SSBP2: variants seen among roughly 807,000 people sequenced by gnomAD.
The protein encoded by SSBP2 is single stranded DNA binding protein 2.
SSBP2 carries 17 observed loss-of-function variants against 61.8 expected under a neutral mutation model. That is an observed-to-expected ratio of 0.28 (90% CI 0.19 to 0.41). The LOEUF is 0.41. Among genes scored for constraint, SSBP2 ranks in the 10% least tolerant of loss-of-function variants. The pLI is 1.00. For missense variants in SSBP2, 310 were observed against 458.7 expected, an observed-to-expected ratio of 0.68 and a Z score of 2.96; for synonymous variants, 139 against 141.3, an observed-to-expected ratio of 0.98 and a Z score of 0.12.
chr5:81,560,757 A>G (rs1363685380), intron 4 of SSBP2, among the ~76,000 whole-genome samples: 1 of 152,204 alleles, frequency 6.6e-6, no homozygotes, highest in Non-Finnish European at 1.5e-5. Flanking sequence ...CTTTAAGTAT[A>G]ATTGACAATA....
intron 1 of SSBP2, among the ~76,000 whole-genome samples, chr5:81,656,701 G>A (rs957617136): frequency 6.7e-6 from 1 of 148,886 alleles, no homozygotes; most frequent in Non-Finnish European, 1.5e-5. Context: ...AGGAAGAATG[G>A]TTACACATGG....
chr5:81,543,944 ATATAAT>A (rs1488638811), intron 4 of SSBP2, among the ~76,000 whole-genome samples: 1 of 152,254 alleles, frequency 6.6e-6, no homozygotes. Flanking sequence ...AATAAACAAT[ATATAAT>A]TATAAACAAT....
intron 1 of SSBP2, among the ~76,000 whole-genome samples, chr5:81,737,350 T>C (rs1462483558): frequency 6.6e-6 from 1 of 151,262 alleles, no homozygotes; most frequent in African/African-American, 2.4e-5. Flanking sequence ...CTCTCTATGC[T>C]TCCTTTCTCC....
intron 11 of SSBP2, 25 bp downstream of exon 11, chr5:81,448,765 A>G: frequency 6.2e-7 from 1 of 1,607,208 alleles, no homozygotes; most frequent in South Asian, 1.1e-5. Context: ...AATTCTTATA[A>G]GCAAACAAAC....
chr5:81,704,733 T>C (rs1013021127), intron 1 of SSBP2, among the ~76,000 whole-genome samples: 6 of 134,268 alleles, frequency 4.5e-5, no homozygotes, highest in African/African-American at 1.7e-4. Flanking sequence ...GAGGCGGAGG[T>C]TGCAGTGAGC....
intron 1 of SSBP2, among the ~76,000 whole-genome samples, chr5:81,729,514 GA>G (rs1756114179): frequency 6.6e-6 from 1 of 152,090 alleles, no homozygotes; most frequent in African/African-American, 2.4e-5. Flanking sequence ...GTAAATGAAT[GA>G]ATGTCAATTA....
At position 81,575,554 on chromosome 5, in the gene SSBP2, G is replaced by C. The variant is rs74614086; in HGVS notation, c.282+39919C>G. 1.1e-3 allele frequency among the ~76,000 whole-genome samples: 170 copies of C among 152,072 alleles called. 2 individuals carry two copies. The highest frequency in any genetic ancestry group is 3.7e-3 in the African/African-American group (155 of 41,470). On this transcript the variant is annotated intron_variant, in intron 4 of 16. Transcript: ENST00000320672. ...AAGCTAATGGTGGGAGGTAGGAAAA[G>C]GATGGTAGGAAGAAAAAATTCAAAC...
chr5:81,636,750 C>A, intron 2 of SSBP2, 132 bp from the exon 3 acceptor site: 1 of 774,944 alleles, frequency 1.3e-6, no homozygotes, highest in Non-Finnish European at 2.0e-6. Context: ...TATTTTTTAC[C>A]CAAGTTTTGC....
intron 6 of SSBP2, among the ~76,000 whole-genome samples, chr5:81,479,841 T>C (rs927452221): frequency 1.3e-5 from 2 of 152,196 alleles, no homozygotes; most frequent in Non-Finnish European, 2.9e-5. Flanking sequence ...AATTTGTCCA[T>C]GGTTATGCTA....
At chr5:81,718,323 C>T (rs1755311314) in intron 1 of SSBP2, among the ~76,000 whole-genome samples, 1 of 151,578 alleles carries the variant, frequency 6.6e-6, no homozygotes, top group Admixed American at 6.6e-5. Context: ...TGAGTAGACC[C>T]AAAGTGACTG....
chr5:81,501,268 T>TATATATATATACAC (rs1205403428), intron 5 of SSBP2, among the ~76,000 whole-genome samples: 1 of 35,772 alleles, frequency 2.8e-5, no homozygotes, highest in African/African-American at 1.3e-4. Context: ...TATATATATA[T>TATATATATATACAC]ACACACACAC....
At chr5:81,489,416 A>C in intron 5 of SSBP2, 107 bp from the exon 6 acceptor site, 2 of 915,830 alleles carry the variant, frequency 2.2e-6, no homozygotes, top group Non-Finnish European at 3.2e-6. Context: ...CAAATCACAA[A>C]TCAATGTACT....
intron 5 of SSBP2, among the ~76,000 whole-genome samples, chr5:81,493,703 C>T (rs1020074214): frequency 6.6e-6 from 1 of 151,896 alleles, no homozygotes; most frequent in Non-Finnish European, 1.5e-5. Flanking sequence ...TTGCAGTGAG[C>T]CAAGACCATG....
At position 81,412,861 on chromosome 5, in the gene SSBP2, GT is replaced by G. The variant is rs56053770; in HGVS notation, c.*7642del. ...ACATATCTATTTGCTAATAACATTA[GT>G]TTTTTTTTGGCATTCCATGTTTAGT... On this transcript the variant is annotated 3_prime_UTR_variant, in exon 17 of 17. Transcript: ENST00000320672. 2.6e-5 allele frequency among the ~76,000 whole-genome samples: 4 copies of G among 151,330 alleles called. No individual in the cohort carries two copies. Among genetic ancestry groups the G allele is most frequent in the South Asian group, 2.1e-4 (1 of 4,784 alleles).
intron 1 of SSBP2, among the ~76,000 whole-genome samples, chr5:81,678,535 T>A (rs1269125257): frequency 6.6e-6 from 1 of 151,948 alleles, no homozygotes; most frequent in Non-Finnish European, 1.5e-5. Context: ...TTTTCCAAAT[T>A]AACGTCAAAC....
chr5:81,450,109 C>T (rs1763670139), intron 10 of SSBP2, among the ~76,000 whole-genome samples: 1 of 152,164 alleles, frequency 6.6e-6, no homozygotes, highest in Non-Finnish European at 1.5e-5. Context: ...AGGCTCACTG[C>T]AGTCTCGACC....
At chr5:81,702,090 C>T (rs933108452) in intron 1 of SSBP2, among the ~76,000 whole-genome samples, 4 of 152,132 alleles carry the variant, frequency 2.6e-5, no homozygotes, top group South Asian at 4.1e-4. Flanking sequence ...AAAAAAGATT[C>T]GGCCAGGCAC....
chr5:81,564,376 G>A (rs1773277229), intron 4 of SSBP2, among the ~76,000 whole-genome samples: 1 of 152,176 alleles, frequency 6.6e-6, no homozygotes, highest in Admixed American at 6.6e-5. Flanking sequence ...TGTAAAAGAA[G>A]CCAAAACCTA....
chr5:81,541,389 T>C (rs536158011), intron 4 of SSBP2, among the ~76,000 whole-genome samples: 27 of 152,204 alleles, frequency 1.8e-4, no homozygotes, highest in African/African-American at 6.5e-4. Context: ...AAACTACCAA[T>C]GTCATTTTTC....
Sources: gnomAD v4.1 joint callset for allele counts (sites outside exome capture counted in the v4.1 genomes callset) on GRCh38, gnomAD v4.1.1 for gene constraint, MANE v1.5 for transcripts, NCBI Gene and HGNC (gene_info 2026-07-23, HGNC 2026-07-21) for gene names.